The following RGL1 variants were observed in gnomAD, a reference collection of about 807,000 sequenced individuals.
RGL1 encodes the protein ral guanine nucleotide dissociation stimulator like 1.
Under a neutral mutation model 95.2 loss-of-function variants are expected in RGL1, and 24 were observed. That is an observed-to-expected ratio of 0.25 (90% CI 0.18 to 0.35). The LOEUF (loss-of-function observed/expected upper bound fraction) is 0.35, where lower values mean the gene tolerates loss of function less well. RGL1 is among the 10% of genes least tolerant of loss of function. The pLI, the probability that RGL1 is intolerant of heterozygous loss-of-function variation, is 1.00. For missense variants in RGL1, 715 were observed against 936.3 expected, an observed-to-expected ratio of 0.76 and a Z score of 3.08; for synonymous variants, 329 against 344.9, an observed-to-expected ratio of 0.95 and a Z score of 0.51.
intron 12 of RGL1, among the ~76,000 whole-genome samples, chr1:183,904,146 C>T (rs1275268286): frequency 3.3e-5 from 5 of 152,190 alleles, no homozygotes; most frequent in Non-Finnish European, 5.9e-5. Context: ...AAACCTAAAG[C>T]TTATACCCAT....
In RGL1 at chr1:183,767,423, C is replaced by T. The variant is rs116022825; in HGVS notation, c.132+25134C>T. ...ACAGTGTTACCCACAGCCTAAAATA[C>T]AAAAGCACGTGACGGATATTTTGCT... On this transcript the variant is annotated intron_variant, in intron 2 of 18. Transcript: ENST00000304685. 1.2e-3 allele frequency among the ~76,000 whole-genome samples: 179 copies of T among 152,230 alleles called. 1 individual carries two copies. The highest frequency in any genetic ancestry group is 4.1e-3 in the African/African-American group (171 of 41,544).
At chr1:183,806,815 G>A (rs1009324660) in intron 2 of RGL1, among the ~76,000 whole-genome samples, 8 of 151,946 alleles carry the variant, frequency 5.3e-5, no homozygotes, top group African/African-American at 1.9e-4. Context: ...AGAGCCATAA[G>A]CAGCTTTGCC....
In RGL1 at chr1:183,866,032, T is replaced by C. The variant is rs1340701033; in HGVS notation, c.384T>C (p.Asp128=). 9 of 1,614,056 alleles carry C rather than the reference T, an allele frequency of 5.6e-6. No individual in the cohort carries two copies. Among genetic ancestry groups the C allele is most frequent in the Non-Finnish European group, 7.6e-6 (9 of 1,179,946 alleles). ...GNLTSPNCEE[D]GSQSSSESKM... ...TGACAAGCCCAAACTGTGAAGAAGA[T>C]GGAAGCCAAAGTTCATCAGAGTCCA... is the stretch of plus-strand genomic sequence containing the variant. Residue 128 remains aspartate (D), a synonymous_variant, in exon 4 of 18, where the codon GAT becomes GAC. Coordinates refer to ENST00000360851, the MANE Select transcript of RGL1 (RefSeq NM_001297671.3).
exon 1 of RGL1, chr1:183,636,201 T>C (rs2101963295): frequency 2.5e-6 from 1 of 399,152 alleles, no homozygotes; most frequent in East Asian, 3.6e-5. Flanking sequence ...AAGGTCCGGC[T>C]GGCTGGGACT....
intron 1 of RGL1, among the ~76,000 whole-genome samples, chr1:183,696,115 G>C (rs1236554674): frequency 1.3e-5 from 2 of 152,050 alleles, no homozygotes; most frequent in Non-Finnish European, 2.9e-5. Context: ...ATTTGTCAAG[G>C]TCCCTAGACC....
intron 1 of RGL1, among the ~76,000 whole-genome samples, chr1:183,700,833 C>T (rs376287296): frequency 4.6e-5 from 7 of 152,110 alleles, no homozygotes; most frequent in East Asian, 1.9e-4. Flanking sequence ...CTTGAGCCAC[C>T]GTGCCTGGCC....
In RGL1 at chr1:183,713,385, C is replaced by CT. The variant is rs1170155719; in HGVS notation, c.-32-28741_-32-28740insT. ...AAAAAAATCTAGAGGCACCCCCCCC[C>CT]CCCGCTTTTATAATGACCCTTTTGA... is the stretch of plus-strand genomic sequence containing the variant. On this transcript the variant is annotated intron_variant, in intron 1 of 18. Coordinates refer to the RGL1 transcript ENST00000304685. 3.6e-5 allele frequency among the ~76,000 whole-genome samples: 5 copies of CT among 137,946 alleles called. 1 individual carries two copies. The South Asian group carries it at 1.3e-3, about 36-fold the overall frequency. The allele number at this position is 137,946 out of a possible 152,430, so 90.5% of individuals were successfully genotyped here.
Position 183,742,241 on chromosome 1 carries a change from G to A in RGL1, c.84G>A (p.Trp28Ter), listed in dbSNP as rs960993781. The change falls in exon 2 of 19, where the codon TGG becomes TGA. Residue 28 changes from tryptophan to a stop codon, truncating the protein, a stop_gained. Transcript: ENST00000304685. LOFTEE classifies it high-confidence loss of function. The stretch of plus-strand genomic sequence containing the variant: ...CCAAGGTAGAAAGCACGGGACACTG[G>A]CTGGTGGAAGATCATGTTCGAATAT... 1 of 1,614,110 alleles carries A rather than the reference G, an allele frequency of 6.2e-7. No individual in the cohort carries two copies. Among genetic ancestry groups the A allele is most frequent in the Non-Finnish European group, 8.5e-7 (1 of 1,179,962 alleles).
upstream of RGL1, among the ~76,000 whole-genome samples, chr1:183,801,347 T>G (rs528618172): frequency 4.6e-5 from 7 of 151,414 alleles, no homozygotes; most frequent in Non-Finnish European, 5.9e-5. Flanking sequence ...TTAAATTGGG[T>G]TTTTTTTTCT....
At chr1:183,864,558 A>G (rs572730444) in intron 3 of RGL1, among the ~76,000 whole-genome samples, 1 of 152,224 alleles carries the variant, frequency 6.6e-6, no homozygotes, top group Non-Finnish European at 1.5e-5. Context: ...CTGTTTATTT[A>G]TTAGGAATCT....
At chr1:183,866,716 A>G (rs1044390428) in intron 4 of RGL1, among the ~76,000 whole-genome samples, 4 of 152,138 alleles carry the variant, frequency 2.6e-5, no homozygotes, top group African/African-American at 7.2e-5. Flanking sequence ...AAGCGCTTAG[A>G]AGGTTTTGAG....
chr1:183,835,806 G>A (rs2102500882), intron 2 of RGL1, among the ~76,000 whole-genome samples: 2 of 152,302 alleles, frequency 1.3e-5, no homozygotes. Flanking sequence ...CTTTCAACAT[G>A]CCTTAGATCT....
At chr1:183,855,412 G>C (rs1213821203) in intron 3 of RGL1, among the ~76,000 whole-genome samples, 1 of 152,172 alleles carries the variant, frequency 6.6e-6, no homozygotes, top group Non-Finnish European at 1.5e-5. Context: ...GTTCCAATTT[G>C]CTTTTTGTTA....
In RGL1 at chr1:183,880,761, C is replaced by T; in HGVS notation, c.571C>T (p.Leu191Phe). Residue 191 changes from leucine (L) to phenylalanine (F), a missense_variant, in exon 5 of 18, where the codon CTT becomes TTT. Around this residue, in one of 3 missense-constraint regions of RGL1, gnomAD observed 381 missense variants for 484.8 expected, o/e 0.79. Coordinates refer to ENST00000360851, the MANE Select transcript of RGL1 (RefSeq NM_001297671.3). ...TGACCCAGAAAGAAGAGCACAAAAT[C>T]TTCTTGAGCAGTTTCAGAAGCAAGA... ...GSDPERRAQNLLEQFQKQEVE... is the reference protein window; with the variant it reads ...GSDPERRAQNFLEQFQKQEVE... The T allele has an allele frequency of 1.9e-6, 3 of 1,613,930 alleles. No homozygotes were observed. Among genetic ancestry groups the T allele is most frequent in the Non-Finnish European group, 2.5e-6 (3 of 1,179,830 alleles).
chr1:183,732,626 A>G (rs563912162), intron 1 of RGL1, among the ~76,000 whole-genome samples: 1 of 152,292 alleles, frequency 6.6e-6, no homozygotes, highest in African/African-American at 2.4e-5. Context: ...TGAAAATATA[A>G]TCTAGGATCA....
At chr1:183,818,628 T>G (rs904567945) in intron 2 of RGL1, among the ~76,000 whole-genome samples, 7 of 152,234 alleles carry the variant, frequency 4.6e-5, no homozygotes, top group Admixed American at 2.0e-4. Context: ...CGTTTCAGTG[T>G]TTCATGAAAG....
rs111902112 is a variant in RGL1 at position 183,757,117 on chromosome 1, G to A, written c.132+14828G>A. On this transcript the variant is annotated intron_variant, in intron 2 of 18. Transcript: ENST00000304685. ...CAATGTTTTACAAGAATACCACAAC[G>A]ATATGCAATGTTCTCTATGGCTATC... 3.9e-3 allele frequency among the ~76,000 whole-genome samples: 593 copies of A among 151,106 alleles called. 6 individuals carry two copies. Among genetic ancestry groups the A allele is most frequent in the African/African-American group, 0.014 (561 of 41,220 alleles).
chr1:183,668,549 C>A (rs1184683947), intron 1 of RGL1, among the ~76,000 whole-genome samples: 1 of 151,998 alleles, frequency 6.6e-6, no homozygotes, highest in Non-Finnish European at 1.5e-5. Context: ...GCAATTCTAC[C>A]ACCTCAGCCT....
At chr1:183,810,152 A>G (rs1053217681) in intron 2 of RGL1, among the ~76,000 whole-genome samples, 2 of 152,214 alleles carry the variant, frequency 1.3e-5, no homozygotes, top group African/African-American at 2.4e-5. Flanking sequence ...TGAATACTCA[A>G]AGGGACAGAG....
Sources: allele counts gnomAD v4.1 joint callset (sites outside exome capture counted in the v4.1 genomes callset), GRCh38; gene constraint gnomAD v4.1.1; regional missense constraint gnomAD v4.1.1; transcripts MANE v1.5; gene names NCBI Gene and HGNC (gene_info 2026-07-23, HGNC 2026-07-21).